EYA4: variants seen among roughly 807,000 people sequenced by gnomAD.
The protein encoded by EYA4 is protein phosphatase EYA4.
Under a neutral mutation model 87.9 loss-of-function variants are expected in EYA4, and 31 were observed. That is an observed-to-expected ratio of 0.35 (90% CI 0.27 to 0.48). The LOEUF is 0.48. EYA4 is among the 20% of genes least tolerant of loss of function. The pLI is 0.99. For missense variants in EYA4, 678 were observed against 761.4 expected (o/e 0.89, Z 1.29); for synonymous variants, 263 against 270.6 (o/e 0.97, Z 0.28).
At chr6:133,503,494 AAACAT>A (rs1331984046) in intron 13 of EYA4, among the ~76,000 whole-genome samples, 2 of 152,236 alleles carry the variant, frequency 1.3e-5, no homozygotes, top group Non-Finnish European at 2.9e-5. Context: ...TAATCATCAG[AAACAT>A]AACAGACTAG....
chr6:133,473,270 G>A (rs1478357590), intron 11 of EYA4, among the ~76,000 whole-genome samples: 3 of 152,042 alleles, frequency 2.0e-5, no homozygotes, highest in Middle Eastern at 3.4e-3. Context: ...GCCATTAAAC[G>A]ATTATTTATT....
chr6:133,527,498 A>T (rs1249505718), intron 19 of EYA4, among the ~76,000 whole-genome samples: 1 of 152,236 alleles, frequency 6.6e-6, no homozygotes, highest in Non-Finnish European at 1.5e-5. Flanking sequence ...AGGTAGAATT[A>T]ATTTTAATAA....
rs188531840 is a variant in EYA4, at chr6:133,379,187, G to A, written c.34-3205G>A. On this transcript the variant is annotated intron_variant, in intron 2 of 19. Transcript: ENST00000355286. Reference sequence around the variant, plus strand: ...CGTGGAAGGCTGAGACAGGAGGATGGCTTACACTAGGGAGTTTGAGACTGT... The same window carrying A: ...CGTGGAAGGCTGAGACAGGAGGATGACTTACACTAGGGAGTTTGAGACTGT... Among the ~76,000 whole-genome samples the A allele has an allele frequency of 5.3e-5, 8 of 152,108 alleles. No individual in the cohort carries two copies. In the East Asian group the frequency reaches 1.2e-3, roughly 22 times the overall value.
intron 1 of EYA4, among the ~76,000 whole-genome samples, chr6:133,255,333 G>T (rs1775254037): frequency 6.6e-6 from 1 of 152,006 alleles, no homozygotes. Flanking sequence ...CTTTTGAGAG[G>T]AATGACCAGA....
At chr6:133,324,944 C>A (rs369757063) in intron 2 of EYA4, among the ~76,000 whole-genome samples, 1 of 143,594 alleles carries the variant, frequency 7.0e-6, no homozygotes, top group Non-Finnish European at 1.5e-5. Flanking sequence ...AGAGTCTCGC[C>A]CTGTCCCCCA....
intron 2 of EYA4, among the ~76,000 whole-genome samples, chr6:133,332,422 C>T (rs781025209): frequency 3.9e-5 from 6 of 152,244 alleles, no homozygotes; most frequent in Non-Finnish European, 5.9e-5. Flanking sequence ...TGCTGTGCCT[C>T]CTTTTCCCAG....
At chr6:133,278,850 T>G (rs1431636881) in intron 2 of EYA4, among the ~76,000 whole-genome samples, 2 of 152,176 alleles carry the variant, frequency 1.3e-5, no homozygotes, top group African/African-American at 4.8e-5. Context: ...TTCTTTAGAA[T>G]TGGTTTAAGT....
chr6:133,527,985 T>C (rs369838410), intron 19 of EYA4, among the ~76,000 whole-genome samples: 1 of 152,194 alleles, frequency 6.6e-6, no homozygotes, highest in African/African-American at 2.4e-5. Context: ...ATGTCACATA[T>C]GTACTGTATA....
At chr6:133,256,538 T>C (rs1775351852) in intron 1 of EYA4, among the ~76,000 whole-genome samples, 1 of 152,064 alleles carries the variant, frequency 6.6e-6, no homozygotes, top group Non-Finnish European at 1.5e-5. Context: ...GTATAGACAT[T>C]GTATAAGTAA....
intron 2 of EYA4, among the ~76,000 whole-genome samples, chr6:133,281,485 A>C (rs1358396816): frequency 6.6e-6 from 1 of 152,214 alleles, no homozygotes; most frequent in Admixed American, 6.5e-5. Flanking sequence ...GCTTCAGTTA[A>C]GATAATGGCC....
intron 2 of EYA4, among the ~76,000 whole-genome samples, chr6:133,371,558 G>C (rs1785267776): frequency 6.6e-6 from 1 of 152,080 alleles, no homozygotes. Context: ...TTTTTGCAGG[G>C]GGAAGAAGAG....
chr6:133,260,464 C>T (rs1285655587), intron 1 of EYA4, among the ~76,000 whole-genome samples: 10 of 152,170 alleles, frequency 6.6e-5, no homozygotes, highest in Non-Finnish European at 1.5e-4. Flanking sequence ...CCTCAAACTC[C>T]TGACCTCAAG....
chr6:133,447,938 T>C (rs569878233), intron 4 of EYA4, among the ~76,000 whole-genome samples, 173 bp from the exon 5 acceptor site: 1 of 152,230 alleles, frequency 6.6e-6, no homozygotes, highest in Non-Finnish European at 1.5e-5. Context: ...CTAATCATCA[T>C]ATGTATATAT....
At chr6:133,412,508 C>T (rs528618520) in intron 3 of EYA4, among the ~76,000 whole-genome samples, 2 of 152,166 alleles carry the variant, frequency 1.3e-5, no homozygotes, top group East Asian at 3.9e-4. Context: ...AATGGAATTT[C>T]GTGTAATGTA....
upstream of EYA4, among the ~76,000 whole-genome samples, chr6:133,241,181 G>A (rs1178487878): frequency 2.6e-5 from 4 of 152,032 alleles, no homozygotes; most frequent in Non-Finnish European, 5.9e-5. Flanking sequence ...AAATAAAAAC[G>A]GAGTGGGTCC....
At chr6:133,335,701 C>G (rs1782313830) in intron 2 of EYA4, among the ~76,000 whole-genome samples, 1 of 152,084 alleles carries the variant, frequency 6.6e-6, no homozygotes, top group South Asian at 2.1e-4. Flanking sequence ...AATGTGCACA[C>G]TCTGTAGCGG....
intron 1 of EYA4, among the ~76,000 whole-genome samples, chr6:133,254,795 ATGT>A (rs997594031): frequency 1.3e-5 from 2 of 152,178 alleles, no homozygotes; most frequent in Non-Finnish European, 2.9e-5. Context: ...TGCAGATGAG[ATGT>A]TGTATTATGT....
intron 2 of EYA4, among the ~76,000 whole-genome samples, chr6:133,329,832 G>C (rs1781784257): frequency 6.6e-6 from 1 of 152,006 alleles, no homozygotes; most frequent in Non-Finnish European, 1.5e-5. Context: ...GAACTAATAA[G>C]AATTATTTAT....
intron 1 of EYA4, among the ~76,000 whole-genome samples, chr6:133,268,934 A>T (rs927274802): frequency 1.3e-5 from 2 of 151,782 alleles, no homozygotes; most frequent in Non-Finnish European, 2.9e-5. Context: ...TAAATCTAGA[A>T]CTCTCTGCCT....
Sources: allele counts gnomAD v4.1 joint callset (sites outside exome capture counted in the v4.1 genomes callset), GRCh38; gene constraint gnomAD v4.1.1; transcripts MANE v1.5; gene names NCBI Gene and HGNC (gene_info 2026-07-23, HGNC 2026-07-21).